Variants in AK8 observed in about 807,000 individuals in gnomAD.
AK8 encodes the protein ATP-AMP transphosphorylase 8.
Under a neutral mutation model 54.6 loss-of-function variants are expected in AK8, and 44 were observed. The observed-to-expected ratio is 0.81, with a 90% CI of 0.63 to 1.04. AK8 has a LOEUF of 1.04. AK8 is among the 50% of genes least tolerant of loss of function. The probability of loss-of-function intolerance (pLI) is 0.00; values close to 1 mark genes in which losing one functional copy is unlikely to be tolerated. For synonymous variants in AK8, 239 were observed against 245.6 expected (o/e 0.97, Z 0.25); for missense variants, 555 against 613.6 (o/e 0.90, Z 1.01).
intron 11 of AK8, among the ~76,000 whole-genome samples, chr9:132,775,078 T>G (rs974827023): frequency 1.3e-5 from 2 of 152,092 alleles, no homozygotes; most frequent in Non-Finnish European, 2.9e-5. Flanking sequence ...TCCCTTTGTC[T>G]CCAAAGGACA....
At chr9:132,798,154 C>G (rs1238222733) in intron 10 of AK8, among the ~76,000 whole-genome samples, 2 of 152,200 alleles carry the variant, frequency 1.3e-5, no homozygotes, top group Non-Finnish European at 2.9e-5. Flanking sequence ...AGGCTACCGA[C>G]CTTTCCCAGT....
chr9:132,859,804 T>A (rs1037663764), intron 4 of AK8, among the ~76,000 whole-genome samples: 7 of 151,746 alleles, frequency 4.6e-5, no homozygotes, highest in Admixed American at 1.3e-4. Flanking sequence ...ACTTAATAAA[T>A]GGGAAGAACG....
intron 11 of AK8, among the ~76,000 whole-genome samples, chr9:132,762,979 A>G (rs1044713759): frequency 1.4e-4 from 22 of 152,226 alleles, no homozygotes; most frequent in African/African-American, 5.3e-4. Flanking sequence ...GTCTTCCTAC[A>G]GCGAAAAGGT....
At chr9:132,842,230 T>G (rs1047602222) in intron 5 of AK8, among the ~76,000 whole-genome samples, 3 of 152,204 alleles carry the variant, frequency 2.0e-5, no homozygotes, top group Admixed American at 6.5e-5. Flanking sequence ...CTTTGCCTCC[T>G]TGGGCCATGT....
At chr9:132,814,582 A>G (rs1841230554) in intron 10 of AK8, 56 bp downstream of exon 10, 37 of 1,533,806 alleles carry the variant, frequency 2.4e-5, no homozygotes, top group Non-Finnish European at 2.6e-5. Context: ...CCGCACAAAA[A>G]GAAAGTTCTC....
intron 11 of AK8, among the ~76,000 whole-genome samples, chr9:132,746,021 GCTGA>G: frequency 6.6e-6 from 1 of 152,168 alleles, no homozygotes; most frequent in East Asian, 1.9e-4. Flanking sequence ...GACAAAGGTG[GCTGA>G]CTTCCCAGCT....
chr9:132,775,642 C>T (rs1183034143), intron 11 of AK8, among the ~76,000 whole-genome samples: 1 of 152,156 alleles, frequency 6.6e-6, no homozygotes, highest in African/African-American at 2.4e-5. Context: ...AATTACTCAC[C>T]AAGAAAAGAC....
intron 1 of AK8, chr9:132,877,614 G>C (rs572501200): frequency 3.2e-6 from 1 of 310,070 alleles, no homozygotes; most frequent in African/African-American, 2.2e-5. Flanking sequence ...CAGGCCTGGA[G>C]CCAGAATGAG....
intron 11 of AK8, among the ~76,000 whole-genome samples, chr9:132,729,557 T>G (rs916173145): frequency 2.0e-4 from 30 of 152,232 alleles, no homozygotes; most frequent in Admixed American, 1.1e-3. Context: ...AACATTCCAT[T>G]GCTCACTATT....
chr9:132,814,758 T>C (rs753043810), intron 9 of AK8, 31 bp from the exon 10 acceptor site: 21 of 1,583,024 alleles, frequency 1.3e-5, no homozygotes, highest in South Asian at 3.4e-5. Flanking sequence ...AAGACACCCA[T>C]TAAATTTTAA....
intron 5 of AK8, among the ~76,000 whole-genome samples, chr9:132,831,081 A>G (rs1215430148): frequency 1.3e-5 from 2 of 152,162 alleles, no homozygotes; most frequent in Non-Finnish European, 2.9e-5. Context: ...TGCTGATACG[A>G]CATTGGCTCT....
chr9:132,816,905 G>C (rs1029682163), intron 9 of AK8, among the ~76,000 whole-genome samples: 1 of 152,198 alleles, frequency 6.6e-6, no homozygotes, highest in African/African-American at 2.4e-5. Flanking sequence ...AACAGGGTAA[G>C]GGAGAGGAGG....
chr9:132,745,666 G>A (rs978375019), intron 11 of AK8, among the ~76,000 whole-genome samples: 1 of 152,132 alleles, frequency 6.6e-6, no homozygotes. Flanking sequence ...CCGGGTAGTG[G>A]AGGGGAGGTC....
chr9:132,851,120 C>T (rs1358096399), intron 5 of AK8, among the ~76,000 whole-genome samples: 3 of 152,146 alleles, frequency 2.0e-5, no homozygotes, highest in African/African-American at 7.2e-5. Flanking sequence ...CTTAAGGCAA[C>T]CTGAAGGCTG....
intron 5 of AK8, among the ~76,000 whole-genome samples, chr9:132,835,207 A>C (rs1021201168): frequency 2.0e-5 from 3 of 152,110 alleles, no homozygotes; most frequent in African/African-American, 7.2e-5. Flanking sequence ...TAGTTAAAAA[A>C]AATTTAAATT....
At chr9:132,869,705 G>A (rs574564810) in intron 2 of AK8, among the ~76,000 whole-genome samples, 4 of 152,364 alleles carry the variant, frequency 2.6e-5, no homozygotes, top group African/African-American at 7.2e-5. Flanking sequence ...GGAAAACACT[G>A]CTTGCAGGAC....
At chr9:132,795,909 G>C (rs907061841) in intron 10 of AK8, among the ~76,000 whole-genome samples, 2 of 152,166 alleles carry the variant, frequency 1.3e-5, no homozygotes, top group Non-Finnish European at 2.9e-5. Flanking sequence ...GCCCACTAAG[G>C]CCTCCATTGT....
chr9:132,847,329 G>A lies in AK8; in HGVS notation c.402+7528C>T, dbSNP rs115054250. Among the ~76,000 whole-genome samples, 740 of 152,292 alleles carry A rather than the reference G, an allele frequency of 4.9e-3. 5 individuals carry two copies. The highest frequency in any genetic ancestry group is 0.017 in the African/African-American group (705 of 41,560). On this transcript the variant is annotated intron_variant, in intron 5 of 12. Coordinates refer to ENST00000298545, the MANE Select transcript of AK8 (RefSeq NM_152572.3). Reference sequence around the variant, plus strand: ...GACAGACCGTGGCGCCATCTCCACCGGGCCTTTCGTTTGGCAGGGGCAGTG... The same window carrying A: ...GACAGACCGTGGCGCCATCTCCACCAGGCCTTTCGTTTGGCAGGGGCAGTG...
chr9:132,765,178 A>T (rs1157261942), intron 11 of AK8, among the ~76,000 whole-genome samples: 1 of 150,818 alleles, frequency 6.6e-6, no homozygotes, highest in Non-Finnish European at 1.5e-5. Context: ...TTGTAGTCCC[A>T]GCTACTCGGG....
Sources: allele counts gnomAD v4.1 joint callset (sites outside exome capture counted in the v4.1 genomes callset), GRCh38; gene constraint gnomAD v4.1.1; transcripts MANE v1.5; gene names NCBI Gene and HGNC (gene_info 2026-07-23, HGNC 2026-07-21).